ELOA: variants seen among roughly 807,000 people sequenced by gnomAD.
ELOA encodes elongin A, also known as elongin-A.
In ELOA, 15 loss-of-function variants were observed where a neutral mutation model predicts 85.2. The observed-to-expected ratio is 0.18, with a 90% CI of 0.12 to 0.27. The LOEUF is 0.27. Ranked by LOEUF, ELOA falls within the 10% of genes least tolerant of loss-of-function variation. ELOA has a pLI of 1.00. For synonymous variants in ELOA, 348 were observed against 357.2 expected (o/e 0.97, Z 0.29); for missense variants, 769 against 952.7 (o/e 0.81, Z 2.54).
chr1:23,747,908 G>A (rs1353938523), intron 1 of ELOA, among the ~76,000 whole-genome samples: 1 of 152,164 alleles, frequency 6.6e-6, no homozygotes, highest in Non-Finnish European at 1.5e-5. Flanking sequence ...CATGGTAAAA[G>A]CAGATCTTGT....
intron 1 of ELOA, among the ~76,000 whole-genome samples, chr1:23,744,899 T>TA (rs1300715906): frequency 6.6e-6 from 1 of 152,200 alleles, no homozygotes; most frequent in Non-Finnish European, 1.5e-5. Context: ...AAGGCTAAGG[T>TA]ACCAGGCTGA....
intron 5 of ELOA, among the ~76,000 whole-genome samples, chr1:23,752,967 C>T (rs1570592401): frequency 6.6e-6 from 1 of 151,610 alleles, no homozygotes; most frequent in African/African-American, 2.4e-5. Context: ...TCTAAACCAC[C>T]CTGGTCAACA....
rs543607533 is a variant in ELOA, at chr1:23,759,730, C to T, written c.*157C>T. ...TGCAGGTGCTGCCCCTGGGAACCTG[C>T]GTGCCACAGCCCCGCCTCCCTGCCT... On this transcript the variant is annotated 3_prime_UTR_variant, in exon 11 of 11. Transcript: ENST00000613537. The T allele has an allele frequency of 6.8e-4, 499 of 730,424 alleles. No homozygotes were observed. The highest frequency in any genetic ancestry group is 1.0e-3 in the Non-Finnish European group (455 of 436,496). The allele number at this position is 730,424 out of a possible 1,614,324, so 45.2% of individuals were successfully genotyped here.
intron 1 of ELOA, among the ~76,000 whole-genome samples, chr1:23,748,155 T>C (rs1339147533): frequency 1.3e-5 from 2 of 152,226 alleles, no homozygotes; most frequent in African/African-American, 4.8e-5. Flanking sequence ...AAGTATTTAG[T>C]GAGCTTTCAT....
rs1466623393 is a variant in ELOA at position 23,746,565 on chromosome 1, C to G, written c.76-2456C>G. Among the ~76,000 whole-genome samples the G allele has an allele frequency of 2.1e-5, 3 of 142,344 alleles. 1 individual carries two copies. The highest frequency in any genetic ancestry group is 4.5e-5 in the Non-Finnish European group (3 of 66,872). The allele number at this position is 142,344 out of a possible 152,430, so 93.4% of individuals were successfully genotyped here. ...GAGGTTGCAGTGAGCCGAGATGGCA[C>G]CATTGCACTCCAGCCTGGACAACAA... On this transcript the variant is annotated intron_variant, in intron 1 of 10. Coordinates refer to ENST00000613537, the MANE Select transcript of ELOA (RefSeq NM_003198.3).
At chr1:23,750,081 G>T in intron 3 of ELOA, 133 bp downstream of exon 3, 1 of 569,450 alleles carries the variant, frequency 1.8e-6, no homozygotes, top group Non-Finnish European at 2.8e-6. Flanking sequence ...CATGATCATT[G>T]TAGAATATTA....
chr1:23,757,097 C>A lies in ELOA; in HGVS notation c.2229C>A (p.Ser743=). 6.3e-7 allele frequency: 1 copy of A among 1,584,304 alleles called. No homozygotes were observed. Among genetic ancestry groups the A allele is most frequent in the Non-Finnish European group, 8.5e-7 (1 of 1,170,632 alleles). Reference sequence around the variant, plus strand: ...CACCAGTGGTCAGCAGCACTGTTTCCTATGATCCTAGGAAACCCACTGTGA... The same window carrying A: ...CACCAGTGGTCAGCAGCACTGTTTCATATGATCCTAGGAAACCCACTGTGA... ...HLAPVVSSTV[S]YDPRKPTVKK... is the part of the protein sequence containing the mutation. Residue 743 remains serine, a synonymous_variant, in exon 10 of 11, where the codon TCC becomes TCA. Transcript: ENST00000613537.
chr1:23,750,272 T>C (rs959178871), intron 3 of ELOA, among the ~76,000 whole-genome samples: 1 of 146,006 alleles, frequency 6.8e-6, no homozygotes. Flanking sequence ...GCCTCCCAGG[T>C]TCACGCCATT....
chr1:23,751,095 A>G lies in ELOA; in HGVS notation c.490A>G (p.Thr164Ala). Residue 164 changes from threonine to alanine, a missense_variant, in exon 4 of 11, where the codon ACT (threonine) becomes GCT (alanine). Thr to Ala is a moderately conservative substitution (Grantham distance 58). Transcript: ENST00000613537. ...ERKRCHRMSP[T>A]YSSDPESSDY... is the part of the protein sequence containing the mutation. ...AAAGAGGTGTCACAGAATGTCACCAACTTACTCTTCAGACCCTGAGTCTTC... is the reference window on the plus strand; with the variant it reads ...AAAGAGGTGTCACAGAATGTCACCAGCTTACTCTTCAGACCCTGAGTCTTC... 3.1e-6 allele frequency: 5 copies of G among 1,614,112 alleles called. No individual in the cohort carries two copies. The highest frequency in any genetic ancestry group is 4.2e-6 in the Non-Finnish European group (5 of 1,180,032).
rs1162019928 is a variant in ELOA at position 23,758,259 on chromosome 1, A to ATTTTT, written c.2257+1161_2257+1165dup. On this transcript the variant is annotated intron_variant, in intron 10 of 10. Transcript: ENST00000613537. ...ATTGGGTCTTCCAATTTATTTATTT[A>ATTTTT]TTTTTTTTTTTTTTTTTTTTTTTTT... 3.8e-3 allele frequency among the ~76,000 whole-genome samples: 161 copies of ATTTTT among 41,922 alleles called. 2 individuals are homozygous for ATTTTT. Among genetic ancestry groups the ATTTTT allele is most frequent in the Middle Eastern group, 0.019 (1 of 52 alleles). The allele number at this position is 41,922 out of a possible 152,430, so 27.5% of individuals were successfully genotyped here.
chr1:23,758,264 T>TA (rs1638236593), intron 10 of ELOA, among the ~76,000 whole-genome samples: 3 of 76,406 alleles, frequency 3.9e-5, no homozygotes, highest in African/African-American at 7.2e-5. Context: ...TATTTATTTT[T>TA]TTTTTTTTTT....
intron 5 of ELOA, 121 bp downstream of exon 5, chr1:23,752,639 T>C: frequency 9.2e-7 from 1 of 1,085,002 alleles, no homozygotes; most frequent in East Asian, 2.9e-5. Context: ...AGAGGATTGC[T>C]TGCGGCCAAG....
Position 23,751,698 on chromosome 1 carries a change from G to A in ELOA, c.1093G>A (p.Gly365Ser). The change falls in exon 4 of 11, where the codon GGT (glycine) becomes AGT (serine). Residue 365 changes from glycine to serine, a missense_variant. Physicochemically the swap from Gly to Ser is moderately conservative, Grantham distance 56. Coordinates refer to ENST00000613537, the MANE Select transcript of ELOA (RefSeq NM_003198.3). ...CCTGTTGCCCAAGGTAAAAGAGAAG[G>A]GTTCTAACAACCTAAAGACTCCAGA... is the stretch of plus-strand genomic sequence containing the variant. ...GDLLPKVKEK[G>S]SNNLKTPEGK... 1 of 1,614,102 alleles carries A rather than the reference G, an allele frequency of 6.2e-7. No individual in the cohort carries two copies. The highest frequency in any genetic ancestry group is 8.5e-7 in the Non-Finnish European group (1 of 1,180,024).
chr1:23,743,497 G>C lies in ELOA; in HGVS notation c.-7G>C. On this transcript the variant is annotated 5_prime_UTR_variant, in exon 1 of 11. Transcript: ENST00000613537. ...GTTCCGGCGAGGAGGCCGCGCCAGT[G>C]ACAGCGATGGCGGCGGAGTCGGCGC... The C allele has an allele frequency of 6.6e-7, 1 of 1,506,004 alleles. No individual in the cohort carries two copies. Among genetic ancestry groups the C allele is most frequent in the Admixed American group, 2.1e-5 (1 of 47,764 alleles). 93.3% of individuals were successfully genotyped at this position (1,506,004 alleles called of 1,614,324 possible). A position where few individuals can be genotyped will look rare whatever the true frequency, so the allele number is the denominator to read the frequency against.
chr1:23,748,672 C>G (rs1013405754), intron 1 of ELOA, among the ~76,000 whole-genome samples: 1 of 152,290 alleles, frequency 6.6e-6, no homozygotes, highest in African/African-American at 2.4e-5. Flanking sequence ...CTCATAAATT[C>G]TATCAAAACT....
intron 7 of ELOA, 93 bp downstream of exon 7, chr1:23,754,553 C>A: frequency 1.0e-6 from 1 of 983,830 alleles, no homozygotes; most frequent in Non-Finnish European, 1.6e-6. Flanking sequence ...GGCTGAAGGG[C>A]AGATCAGTGG....
At position 23,743,515 on chromosome 1, in the gene ELOA, G is replaced by T; in HGVS notation, c.12G>T (p.Glu4Asp). Reference sequence around the variant, plus strand: ...CGCCAGTGACAGCGATGGCGGCGGAGTCGGCGCTCCAAGTTGTGGAGAAGC... The same window carrying T: ...CGCCAGTGACAGCGATGGCGGCGGATTCGGCGCTCCAAGTTGTGGAGAAGC... MAA[E>D]SALQVVEKLQ... The change falls in exon 1 of 11, where the codon GAG (glutamate) becomes GAT (aspartate). Residue 4 changes from glutamate to aspartate, a missense_variant. Transcript: ENST00000613537. 2.0e-6 allele frequency: 3 copies of T among 1,504,518 alleles called. No homozygotes were observed. Among genetic ancestry groups the T allele is most frequent in the Non-Finnish European group, 1.8e-6 (2 of 1,131,990 alleles). The allele number at this position is 1,504,518 out of a possible 1,614,324, so 93.2% of individuals were successfully genotyped here. A position where few individuals can be genotyped will look rare whatever the true frequency, so the allele number is the denominator to read the frequency against.
intron 10 of ELOA, among the ~76,000 whole-genome samples, chr1:23,758,251 AT>A (rs1276332597): frequency 4.1e-5 from 2 of 48,576 alleles, no homozygotes; most frequent in South Asian, 1.0e-3. Flanking sequence ...CTTCCAATTT[AT>A]TTATTTATTT....
At chr1:23,759,186 C>T (rs1325245354) in intron 10 of ELOA, among the ~76,000 whole-genome samples, 3 of 152,206 alleles carry the variant, frequency 2.0e-5, no homozygotes, top group Non-Finnish European at 4.4e-5. Context: ...TCTTTCCTTA[C>T]AAAAATAAAA....
Sources: gnomAD v4.1 joint callset for allele counts (sites outside exome capture counted in the v4.1 genomes callset) on GRCh38, gnomAD v4.1.1 for gene constraint, MANE v1.5 for transcripts, NCBI Gene and HGNC (gene_info 2026-07-23, HGNC 2026-07-21) for gene names.